DIP2B: variants seen among roughly 807,000 people sequenced by gnomAD.
DIP2B encodes the protein DIP2 acetate--CoA ligase B (putative).
In DIP2B, 76 loss-of-function variants were observed where a neutral mutation model predicts 198.0. The ratio of observed to expected loss-of-function variants is 0.38; its 90% CI spans 0.32 to 0.46. DIP2B has a LOEUF of 0.46. Among genes scored for constraint, DIP2B ranks in the 20% least tolerant of loss-of-function variants. The pLI, the probability that DIP2B is intolerant of heterozygous loss-of-function variation, is 0.99. For synonymous variants in DIP2B, 701 were observed against 739.1 expected, an observed-to-expected ratio of 0.95 and a Z score of 0.84; for missense variants, 1,559 against 1,978.4, an observed-to-expected ratio of 0.79 and a Z score of 4.02.
At position 50,715,934 on chromosome 12, in the gene DIP2B, G is replaced by A. The variant is rs965054239; in HGVS notation, c.2851+1338G>A. ...GGAAAATCAGAAGGCATATTTACAG[G>A]TACAGCAGTGTCTGCAATTAGCTTC... On this transcript the variant is annotated intron_variant, in intron 23 of 37. Coordinates refer to ENST00000301180, the MANE Select transcript of DIP2B (RefSeq NM_173602.3). Among the ~76,000 whole-genome samples the A allele has an allele frequency of 4.6e-5, 7 of 152,180 alleles. No individual in the cohort carries two copies. In the South Asian group the frequency reaches 8.3e-4, roughly 18 times the overall value.
intron 21 of DIP2B, among the ~76,000 whole-genome samples, chr12:50,707,421 C>T (rs1939533250): frequency 6.6e-6 from 1 of 152,192 alleles, no homozygotes; most frequent in Admixed American, 6.5e-5. Flanking sequence ...TGCCGGACAC[C>T]TGGTAGGTGT....
intron 33 of DIP2B, 30 bp from the exon 34 acceptor site, chr12:50,735,043 C>CTA: frequency 6.2e-7 from 1 of 1,613,918 alleles, no homozygotes; most frequent in Non-Finnish European, 8.5e-7. Flanking sequence ...CTTAAAAGCC[C>CTA]TATATATAGT....
chr12:50,583,012 T>G (rs1399149918), intron 1 of DIP2B, among the ~76,000 whole-genome samples: 1 of 152,196 alleles, frequency 6.6e-6, no homozygotes, highest in Non-Finnish European at 1.5e-5. Flanking sequence ...ATTCTTGGTA[T>G]AAATTTAGAT....
intron 1 of DIP2B, among the ~76,000 whole-genome samples, chr12:50,509,602 G>A (rs1957996885): frequency 1.3e-5 from 2 of 152,206 alleles, no homozygotes; most frequent in Non-Finnish European, 2.9e-5. Flanking sequence ...GGTCTGCCAC[G>A]AAGGCAAAGG....
At chr12:50,730,887 C>T (rs891648164) in intron 30 of DIP2B, among the ~76,000 whole-genome samples, 18 of 152,312 alleles carry the variant, frequency 1.2e-4, no homozygotes, top group African/African-American at 4.3e-4. Context: ...CCTGGCTTAT[C>T]GAGCTTGAAT....
At chr12:50,536,288 C>CATACATAT (rs1958266182) in intron 1 of DIP2B, among the ~76,000 whole-genome samples, 2 of 151,764 alleles carry the variant, frequency 1.3e-5, no homozygotes, top group Non-Finnish European at 2.9e-5. Flanking sequence ...TACATACATA[C>CATACATAT]ATACATACAT....
chr12:50,678,065 A>C (rs1476454654), intron 7 of DIP2B, among the ~76,000 whole-genome samples: 1 of 150,108 alleles, frequency 6.7e-6, no homozygotes, highest in African/African-American at 2.5e-5. Context: ...GGAAGAGTTC[A>C]CCAGGAGGCA....
rs200865523 is a variant in DIP2B at position 50,730,382 on chromosome 12, C to T, written c.3642-987C>T. On this transcript the variant is annotated intron_variant, in intron 30 of 37. Transcript: ENST00000301180. ...TTTGTTTCTTTCTTTCTCTCTCTCT[C>T]TTTTTTTTTTTTTTTTAAAGGAGAC... Among the ~76,000 whole-genome samples, 23 of 62,722 alleles carry T rather than the reference C, an allele frequency of 3.7e-4. 2 individuals carry two copies. Among genetic ancestry groups the T allele is most frequent in the Non-Finnish European group, 6.2e-4 (11 of 17,816 alleles). The allele number at this position is 62,722 out of a possible 152,430, so 41.1% of individuals were successfully genotyped here.
At chr12:50,664,562 CTATT>C (rs1400427414) in intron 4 of DIP2B, among the ~76,000 whole-genome samples, 1 of 152,100 alleles carries the variant, frequency 6.6e-6, no homozygotes, top group African/African-American at 2.4e-5. Flanking sequence ...TTGTGTAATG[CTATT>C]ACTCATTCAT....
At position 50,731,589 on chromosome 12, in the gene DIP2B, C is replaced by G. The variant is rs535550299; in HGVS notation, c.3810+52C>G. The G allele has an allele frequency of 1.9e-6, 3 of 1,562,116 alleles. No individual in the cohort carries two copies. In the African/African-American group the frequency reaches 4.1e-5, roughly 21 times the overall value. On this transcript the variant is annotated intron_variant, in intron 31 of 37. Coordinates refer to ENST00000301180, the MANE Select transcript of DIP2B (RefSeq NM_173602.3). ...AGTCCCAAAAGGTTCTGAAGAAATG[C>G]GCCAGGACGTAACAGGGCCAGAGCA...
Position 50,695,842 on chromosome 12 carries a change from T to G in DIP2B, c.1814-6T>G, listed in dbSNP as rs1229186427. On this transcript the variant is annotated splice_region_variant and splice_polypyrimidine_tract_variant and intron_variant, in intron 15 of 37. Coordinates refer to ENST00000301180, the MANE Select transcript of DIP2B (RefSeq NM_173602.3). The stretch of plus-strand genomic sequence containing the variant: ...TATGTTAACTTCATCCTTTTTGAAT[T>G]TATAGCCAAGGTAGCTTTAGTAAAA... 1 of 1,614,020 alleles carries G rather than the reference T, an allele frequency of 6.2e-7. No individual in the cohort carries two copies. Among genetic ancestry groups the G allele is most frequent in the South Asian group, 1.1e-5 (1 of 91,070 alleles).
chr12:50,698,266 G>A (rs554168356), intron 17 of DIP2B, 62 bp from the exon 18 acceptor site: 4 of 1,556,456 alleles, frequency 2.6e-6, no homozygotes, highest in African/African-American at 2.7e-5. Context: ...GTCTTCCTAT[G>A]TATTTGTATT....
At chr12:50,671,499 T>C in intron 5 of DIP2B, 101 bp downstream of exon 5, 1 of 1,144,292 alleles carries the variant, frequency 8.7e-7, no homozygotes, top group South Asian at 1.5e-5. Context: ...CAGTATGGCC[T>C]AAAAAAAAGA....
intron 2 of DIP2B, among the ~76,000 whole-genome samples, chr12:50,627,477 G>A (rs7298661): frequency 0.32 from 48,520 of 151,920 alleles, 7,924 homozygotes; most frequent in South Asian, 0.39. Flanking sequence ...GGAACTACAG[G>A]TGTGCGCCAC....
intron 29 of DIP2B, 33 bp from the exon 30 acceptor site, chr12:50,728,515 G>A (rs776939047): frequency 1.2e-6 from 2 of 1,607,862 alleles, no homozygotes; most frequent in Admixed American, 3.3e-5. Context: ...TGGGATAACA[G>A]TCCCAGCCTG....
rs11301460 is a variant in DIP2B at position 50,559,313 on chromosome 12, C to CTTTTT, written c.100+54087_100+54091dup. Among the ~76,000 whole-genome samples, 10 of 123,038 alleles carry CTTTTT rather than the reference C, an allele frequency of 8.1e-5. 1 individual carries two copies. In the East Asian group the frequency reaches 1.1e-3, roughly 14 times the overall value. 80.7% of individuals were successfully genotyped at this position (123,038 alleles called of 152,430 possible). A position where few individuals can be genotyped will look rare whatever the true frequency, so the allele number is the denominator to read the frequency against. ...AGAGGAAGATGGTGTAATTATTTGT[C>CTTTTT]TTTTTTTTTTTTTTTTTTGCTGGGC... On this transcript the variant is annotated intron_variant, in intron 1 of 37. Transcript: ENST00000301180.
chr12:50,687,925 A>G (rs1013774260), intron 12 of DIP2B, among the ~76,000 whole-genome samples: 7 of 150,732 alleles, frequency 4.6e-5, no homozygotes, highest in African/African-American at 1.7e-4. Context: ...TAGAAAAGAG[A>G]GGCTGGGGTG....
At chr12:50,568,594 G>T (rs573484761) in intron 1 of DIP2B, among the ~76,000 whole-genome samples, 1 of 152,054 alleles carries the variant, frequency 6.6e-6, no homozygotes. Context: ...AGGTGAAGGA[G>T]TAAAAAAGAA....
At chr12:50,736,306 A>G (rs1352224897) in intron 34 of DIP2B, among the ~76,000 whole-genome samples, 1 of 152,168 alleles carries the variant, frequency 6.6e-6, no homozygotes, top group Non-Finnish European at 1.5e-5. Flanking sequence ...ACCCTGGACT[A>G]AGGGAACCGT....
Sources: allele counts gnomAD v4.1 joint callset (sites outside exome capture counted in the v4.1 genomes callset), GRCh38; gene constraint gnomAD v4.1.1; transcripts MANE v1.5; gene names NCBI Gene and HGNC (gene_info 2026-07-23, HGNC 2026-07-21).